Variants in BRK1 observed in about 807,000 individuals in gnomAD.
BRK1 encodes the protein protein BRICK1.
In BRK1, 6 loss-of-function variants were observed where a neutral mutation model predicts 9.9. The ratio of observed to expected loss-of-function variants is 0.60; its 90% CI spans 0.33 to 1.19. The LOEUF (loss-of-function observed/expected upper bound fraction) is 1.19, where lower values mean the gene tolerates loss of function less well. Ranked by LOEUF, BRK1 falls within the 50% of genes most tolerant of loss-of-function variation. The pLI is 0.04. For missense variants in BRK1, 62 were observed against 97.5 expected (o/e 0.64, Z 1.53); for synonymous variants, 44 against 31.9 (o/e 1.38, Z -1.28).
rs374564323 is a variant in BRK1, at chr3:10,126,174, G to C, written c.202-95G>C. ...TGACTTCACAGCTATCTTCTTTTCT[G>C]CTATTTCTCACTGCCTAGGATCTAA... is the stretch of plus-strand genomic sequence containing the variant. On this transcript the variant is annotated intron_variant, in intron 2 of 2. Transcript: ENST00000530758. 49 of 780,042 alleles carry C rather than the reference G, an allele frequency of 6.3e-5. 2 individuals are homozygous for C. In the South Asian group the frequency reaches 7.2e-4, roughly 12 times the overall value. The allele number at this position is 780,042 out of a possible 1,614,324, so 48.3% of individuals were successfully genotyped here.
rs17032426 is a variant in BRK1 at position 10,125,428 on chromosome 3, G to T, written c.119-198G>T. Among the ~76,000 whole-genome samples the T allele has an allele frequency of 1.4e-3, 212 of 152,080 alleles. 1 individual carries two copies. Among genetic ancestry groups the T allele is most frequent in the Admixed American group, 6.4e-3 (98 of 15,266 alleles). On this transcript the variant is annotated intron_variant, in intron 1 of 2. Transcript: ENST00000530758. ...CAGGAAAGGACGTTTTTGTGGGGCC[G>T]TTATTCTCTACTTGCAACACTTGAT...
chr3:10,119,320 G>C (rs1695727510), intron 1 of BRK1, among the ~76,000 whole-genome samples: 1 of 151,986 alleles, frequency 6.6e-6, no homozygotes, highest in Non-Finnish European at 1.5e-5. Flanking sequence ...AGCCAGGCAT[G>C]GTGTCTCATG....
In BRK1 at chr3:10,127,164, CAATAA is replaced by C. The variant is rs1695853524; in HGVS notation, c.*872_*876del. ...TTTACTATGTAGGCATGTTAAACTC[CAATAA>C]AACATACAGCATTGAATCAGACATG... On this transcript the variant is annotated 3_prime_UTR_variant, in exon 3 of 3. Transcript: ENST00000530758. 2 of 152,172 alleles carry C rather than the reference CAATAA, an allele frequency of 1.3e-5. No individual in the cohort carries two copies. Among genetic ancestry groups the C allele is most frequent in the South Asian group, 4.1e-4 (2 of 4,834 alleles). 9.4% of individuals were successfully genotyped at this position (152,172 alleles called of 1,614,324 possible).
chr3:10,118,143 C>G (rs980904528), intron 1 of BRK1, among the ~76,000 whole-genome samples: 1 of 151,872 alleles, frequency 6.6e-6, no homozygotes, highest in Non-Finnish European at 1.5e-5. Flanking sequence ...ATCCCAGCTA[C>G]TCAGGAGGCT....
chr3:10,118,601 G>A (rs1167982130), intron 1 of BRK1, among the ~76,000 whole-genome samples: 1 of 151,926 alleles, frequency 6.6e-6, no homozygotes, highest in Non-Finnish European at 1.5e-5. Context: ...GATTTTCTTG[G>A]CTTAGCTTCC....
At chr3:10,124,249 T>G (rs1695804975) in intron 1 of BRK1, among the ~76,000 whole-genome samples, 1 of 151,414 alleles carries the variant, frequency 6.6e-6, no homozygotes, top group Non-Finnish European at 1.5e-5. Flanking sequence ...GGACAAGAGA[T>G]TGAGACAATC....
intron 1 of BRK1, 38 bp from the exon 2 acceptor site, chr3:10,125,588 A>T (rs1397505875): frequency 7.7e-7 from 1 of 1,294,038 alleles, no homozygotes; most frequent in East Asian, 2.3e-5. Context: ...CTGTGTTTGG[A>T]GTGACATTAA....
At chr3:10,116,415 C>A (rs1349798522) in intron 1 of BRK1, among the ~76,000 whole-genome samples, 1 of 139,886 alleles carries the variant, frequency 7.1e-6, no homozygotes, top group Non-Finnish European at 1.5e-5. Flanking sequence ...CTCTGTATTG[C>A]TAGTATATAT....
intron 1 of BRK1, among the ~76,000 whole-genome samples, chr3:10,122,222 C>G (rs1266389086): frequency 6.2e-4 from 94 of 152,188 alleles, no homozygotes; most frequent in Non-Finnish European, 1.5e-5. Context: ...CGCGCCTGGC[C>G]ACTTGTAACT....
chr3:10,124,023 T>C (rs1326190023), intron 1 of BRK1, among the ~76,000 whole-genome samples: 4 of 151,788 alleles, frequency 2.6e-5, no homozygotes. Context: ...GCGTGAGCCA[T>C]CACGCCCAGC....
At chr3:10,121,524 C>G (rs1268077890) in intron 1 of BRK1, among the ~76,000 whole-genome samples, 1 of 151,224 alleles carries the variant, frequency 6.6e-6, no homozygotes, top group Non-Finnish European at 1.5e-5. Flanking sequence ...ATCTTTTGTT[C>G]CACTAATATA....
chr3:10,120,304 C>T (rs1471476215), intron 1 of BRK1, among the ~76,000 whole-genome samples: 2 of 152,074 alleles, frequency 1.3e-5, no homozygotes, highest in African/African-American at 4.8e-5. Flanking sequence ...AACTGATTCT[C>T]CTGCCTCAGC....
Position 10,126,494 on chromosome 3 carries a change from G to A in BRK1, c.*199G>A, listed in dbSNP as rs902633804. 2.1e-5 allele frequency: 10 copies of A among 479,980 alleles called. No individual in the cohort carries two copies. Among genetic ancestry groups the A allele is most frequent in the African/African-American group, 1.2e-4 (6 of 50,344 alleles). 29.7% of individuals were successfully genotyped at this position (479,980 alleles called of 1,614,324 possible). A position where few individuals can be genotyped will look rare whatever the true frequency, so the allele number is the denominator to read the frequency against. ...ATGTGGGAAGAAGTTCAGAGGAACCGTTGGAAACGACGTTAGGCATTTTAC... is the reference window on the plus strand; with the variant it reads ...ATGTGGGAAGAAGTTCAGAGGAACCATTGGAAACGACGTTAGGCATTTTAC... On this transcript the variant is annotated 3_prime_UTR_variant, in exon 3 of 3. Coordinates refer to ENST00000530758, the MANE Select transcript of BRK1 (RefSeq NM_018462.5).
Position 10,126,436 on chromosome 3 carries a change from C to T in BRK1, c.*141C>T, listed in dbSNP as rs1245286766. On this transcript the variant is annotated 3_prime_UTR_variant, in exon 3 of 3. Transcript: ENST00000530758. ...GTTTTTCTTTTTTCAAAAGTGTGGC[C>T]TTTGGGCTCTGCCATCTGGGGTGTG... 9 of 754,396 alleles carry T rather than the reference C, an allele frequency of 1.2e-5. No homozygotes were observed. The highest frequency in any genetic ancestry group is 3.6e-5 in the African/African-American group (2 of 55,978). 46.7% of individuals were successfully genotyped at this position (754,396 alleles called of 1,614,324 possible).
chr3:10,126,017 G>T (rs1287791578), intron 2 of BRK1, among the ~76,000 whole-genome samples: 8 of 151,330 alleles, frequency 5.3e-5, no homozygotes, highest in Admixed American at 5.3e-4. Context: ...CTTGAACCTG[G>T]GAGGTGGAGG....
intron 1 of BRK1, among the ~76,000 whole-genome samples, chr3:10,117,902 G>T (rs1695707882): frequency 6.6e-6 from 1 of 152,184 alleles, no homozygotes; most frequent in Non-Finnish European, 1.5e-5. Flanking sequence ...AGTAAGAAGA[G>T]AATTATAATG....
intron 1 of BRK1, among the ~76,000 whole-genome samples, chr3:10,116,962 G>T (rs1337539785): frequency 1.3e-5 from 2 of 152,164 alleles, no homozygotes; most frequent in African/African-American, 4.8e-5. Context: ...TATAATCGTG[G>T]CTGAGTTCAA....
intron 1 of BRK1, among the ~76,000 whole-genome samples, chr3:10,122,073 G>A (rs987369247): frequency 3.4e-5 from 5 of 147,690 alleles, no homozygotes; most frequent in Middle Eastern, 3.4e-3. Context: ...ATTTTTAGTA[G>A]AGACAGGATT....
chr3:10,118,715 G>A (rs1046475423), intron 1 of BRK1, among the ~76,000 whole-genome samples: 4 of 152,002 alleles, frequency 2.6e-5, no homozygotes, highest in African/African-American at 4.8e-5. Context: ...TTGAACTCCT[G>A]GCCTCAAGTG....
Sources: allele counts gnomAD v4.1 joint callset (sites outside exome capture counted in the v4.1 genomes callset), GRCh38; gene constraint gnomAD v4.1.1; transcripts MANE v1.5; gene names NCBI Gene and HGNC (gene_info 2026-07-23, HGNC 2026-07-21).